Variants in KLF8 observed in about 807,000 individuals in gnomAD.
KLF8 encodes the protein KLF transcription factor 8.
A neutral mutation model predicts 18.2 loss-of-function variants in KLF8; 10 were observed. That is an observed-to-expected ratio of 0.55 (90% CI 0.34 to 0.93). KLF8 has a LOEUF of 0.93. KLF8 is among the 40% of genes least tolerant of loss of function. The probability of loss-of-function intolerance (pLI) is 0.02; values close to 1 mark genes in which losing one functional copy is unlikely to be tolerated. For missense variants in KLF8, 264 were observed against 277.9 expected, an observed-to-expected ratio of 0.95 and a Z score of 0.36; for synonymous variants, 109 against 97.3, an observed-to-expected ratio of 1.12 and a Z score of -0.71.
At position 56,233,256 on chromosome X, in the gene KLF8, C is replaced by T. The variant is rs1193153133; in HGVS notation, c.-79C>T. 3 of 1,174,239 alleles carry T rather than the reference C, an allele frequency of 2.6e-6. No individual in the cohort carries two copies. Among genetic ancestry groups the T allele is most frequent in the Non-Finnish European group, 2.3e-6 (2 of 864,581 alleles). On this transcript the variant is annotated 5_prime_UTR_variant, in exon 1 of 6. Transcript: ENST00000468660. ...GGGCGGGTGTGAGGGGAACAGCTCT[C>T]TTGCGATCAGCTCAGGAGTATGAGC...
chrX:56,212,597 A>T, the KLF8 span, among the ~76,000 whole-genome samples: 1 of 111,911 alleles, frequency 8.9e-6, no homozygotes, highest in South Asian at 3.7e-4. Flanking sequence ...CTCTAACAGG[A>T]TCCCACTGAG....
the KLF8 span, among the ~76,000 whole-genome samples, chrX:55,925,091 C>T: frequency 9.7e-6 from 1 of 103,076 alleles, no homozygotes; most frequent in Non-Finnish European, 2.0e-5. Context: ...AAACTGCTGA[C>T]CTCAGGTGAT....
the KLF8 span, among the ~76,000 whole-genome samples, chrX:56,043,482 A>T: frequency 1.2e-4 from 13 of 111,141 alleles, no homozygotes; most frequent in Non-Finnish European, 2.1e-4. Flanking sequence ...CTTTATAATG[A>T]ACCCATATTT....
At chrX:56,105,873 G>A in the KLF8 span, among the ~76,000 whole-genome samples, 1 of 111,520 alleles carries the variant, frequency 9.0e-6, no homozygotes, top group East Asian at 2.8e-4. Flanking sequence ...TCCTTTCCAT[G>A]TTTAGTGCTT....
chrX:55,988,542 T>C, the KLF8 span, among the ~76,000 whole-genome samples: 1 of 111,544 alleles, frequency 9.0e-6, no homozygotes, highest in Non-Finnish European at 1.9e-5. Flanking sequence ...GAGGGCTCTG[T>C]TCTGTTCCAT....
chrX:56,086,783 G>A, the KLF8 span, among the ~76,000 whole-genome samples: 3 of 111,305 alleles, frequency 2.7e-5, no homozygotes, highest in Middle Eastern at 4.7e-3. Flanking sequence ...CTAGTGGAAA[G>A]CCAAAATGTA....
chrX:55,935,754 A>G, the KLF8 span, among the ~76,000 whole-genome samples: 1 of 112,309 alleles, frequency 8.9e-6, no homozygotes, highest in South Asian at 3.6e-4. Flanking sequence ...TTATACATAT[A>G]TACTAAAAGT....
the KLF8 span, among the ~76,000 whole-genome samples, chrX:56,099,027 A>G: frequency 8.9e-6 from 1 of 111,903 alleles, no homozygotes; most frequent in African/African-American, 3.2e-5. Context: ...AACAAGACAT[A>G]TGTCACTTTA....
the KLF8 span, among the ~76,000 whole-genome samples, chrX:56,195,705 A>C: frequency 8.9e-6 from 1 of 112,009 alleles, no homozygotes; most frequent in African/African-American, 3.2e-5. Flanking sequence ...AGGCAGGCCA[A>C]CATTCAAATT....
At chrX:56,208,201 A>G in the KLF8 span, among the ~76,000 whole-genome samples, 31 of 111,644 alleles carry the variant, frequency 2.8e-4, no homozygotes, top group African/African-American at 9.1e-4. Context: ...TTTATGGTTC[A>G]ATCTTGGTAG....
the KLF8 span, among the ~76,000 whole-genome samples, chrX:56,068,575 C>T: frequency 1.8e-5 from 2 of 111,616 alleles, no homozygotes; most frequent in African/African-American, 6.5e-5. Flanking sequence ...GCACCACTGG[C>T]AACCAGGCAA....
At chrX:55,987,023 G>T in the KLF8 span, among the ~76,000 whole-genome samples, 13 of 110,819 alleles carry the variant, frequency 1.2e-4, no homozygotes, top group Admixed American at 7.7e-4. Context: ...GTCCACCATT[G>T]ATGAGCATCT....
chrX:56,156,989 G>A, the KLF8 span, among the ~76,000 whole-genome samples: 1 of 109,270 alleles, frequency 9.2e-6, no homozygotes, highest in South Asian at 4.0e-4. Context: ...CAACCCAAAT[G>A]TCCAACAATG....
chrX:56,221,276 G>A, the KLF8 span, among the ~76,000 whole-genome samples: 7 of 111,762 alleles, frequency 6.3e-5, no homozygotes, highest in East Asian at 1.7e-3. Flanking sequence ...TTCCTACTTC[G>A]GTCATGATTA....
At chrX:56,141,928 C>T in the KLF8 span, among the ~76,000 whole-genome samples, 1 of 112,062 alleles carries the variant, frequency 8.9e-6, no homozygotes, top group East Asian at 2.8e-4. Context: ...CTCATGAATG[C>T]TATGTTTTCA....
intron 2 of KLF8, among the ~76,000 whole-genome samples, chrX:56,251,704 G>A (rs933051055): frequency 3.6e-5 from 4 of 110,258 alleles, no homozygotes; most frequent in African/African-American, 9.9e-5. Context: ...CTCATGATCC[G>A]CCCACCTCGG....
the KLF8 span, among the ~76,000 whole-genome samples, chrX:56,050,068 G>A: frequency 1.8e-5 from 2 of 110,541 alleles, no homozygotes; most frequent in South Asian, 7.7e-4. Context: ...GGTGTTTGTA[G>A]TATTCTCTGA....
At chrX:56,084,509 AG>A in the KLF8 span, among the ~76,000 whole-genome samples, 8 of 112,370 alleles carry the variant, frequency 7.1e-5, no homozygotes, top group South Asian at 2.6e-3. Context: ...GACATAACTT[AG>A]GCTCTTGGCA....
chrX:56,077,473 A>C, the KLF8 span, among the ~76,000 whole-genome samples: 1 of 111,502 alleles, frequency 9.0e-6, no homozygotes, highest in Admixed American at 9.5e-5. Context: ...ATTGTTTCTG[A>C]GGGCTCTATT....
Sources: allele counts gnomAD v4.1 joint callset (sites outside exome capture counted in the v4.1 genomes callset), GRCh38; gene constraint gnomAD v4.1.1; transcripts MANE v1.5; gene names NCBI Gene and HGNC (gene_info 2026-07-23, HGNC 2026-07-21).